The following ZNF330 variants were observed in gnomAD, a reference collection of about 807,000 sequenced individuals.
ZNF330 encodes the protein nucleolar atypical zinc finger, also known as zinc finger protein 330.
Under a neutral mutation model 45.5 loss-of-function variants are expected in ZNF330, and 31 were observed. That is an observed-to-expected ratio of 0.68 (90% confidence interval 0.51 to 0.92). ZNF330 has a LOEUF of 0.92. Ranked by LOEUF, ZNF330 falls within the 40% of genes least tolerant of loss-of-function variation. ZNF330 has a pLI of 0.00. For synonymous variants in ZNF330, 138 were observed against 123.2 expected, an observed-to-expected ratio of 1.12 and a Z score of -0.79; for missense variants, 356 against 387.4, an observed-to-expected ratio of 0.92 and a Z score of 0.68.
intron 9 of ZNF330, 101 bp downstream of exon 9, chr4:141,232,743 T>A (rs1728989983): frequency 1.8e-6 from 1 of 553,702 alleles, no homozygotes; most frequent in African/African-American, 1.9e-5. Context: ...CCTCTTCTTA[T>A]TTGAAAAGAT....
At chr4:141,232,382 A>G (rs1486575808) in intron 8 of ZNF330, 143 bp from the exon 9 acceptor site, 2 of 440,898 alleles carry the variant, frequency 4.5e-6, no homozygotes, top group East Asian at 7.2e-5. Context: ...TGTTAAGAAA[A>G]TGAAATGAGA....
At chr4:141,226,440 T>C (rs57471187) in intron 4 of ZNF330, among the ~76,000 whole-genome samples, 4,980 of 152,210 alleles carry the variant, frequency 0.033, 267 homozygotes, top group African/African-American at 0.11. Context: ...AATCTGAAGA[T>C]TGATAAGTTT....
chr4:141,233,149 C>T (rs765365889), intron 9 of ZNF330, among the ~76,000 whole-genome samples: 3 of 151,988 alleles, frequency 2.0e-5, no homozygotes, highest in African/African-American at 2.4e-5. Flanking sequence ...TAATGCAGCT[C>T]GCAATTTTGT....
At position 141,233,718 on chromosome 4, in the gene ZNF330, G is replaced by A. The variant is rs148616011; in HGVS notation, c.692G>A (p.Arg231His). Residue 231 changes from arginine to histidine, a missense_variant, in exon 10 of 10, where the codon CGC becomes CAC. Transcript: ENST00000262990. ...TGTACTTGTCTGTCTTCTATAGCAC[G>A]CTCCCTGAAATTTGGCAGGCAGACT... is the stretch of plus-strand genomic sequence containing the variant. ...QETKDLSMST[R>H]SLKFGRQTGG... 49 of 1,612,634 alleles carry A rather than the reference G, an allele frequency of 3.0e-5. No individual in the cohort carries two copies. The highest frequency in any genetic ancestry group is 2.0e-4 in the South Asian group (18 of 90,938).
intron 6 of ZNF330, 22 bp from the exon 7 acceptor site, chr4:141,230,144 T>A: frequency 6.7e-7 from 1 of 1,493,426 alleles, no homozygotes; most frequent in Non-Finnish European, 9.3e-7. Context: ...TTAATTACAT[T>A]TGTGTTTTTT....
Position 141,230,283 on chromosome 4 carries a change from G to C in ZNF330, c.523+13G>C. Reference sequence around the variant, plus strand: ...GAAACATTTAAATGTAAGTTTTTAAGTATTAGATGTTCTTTATACCCAAGA... The same window carrying C: ...GAAACATTTAAATGTAAGTTTTTAACTATTAGATGTTCTTTATACCCAAGA... On this transcript the variant is annotated intron_variant, in intron 7 of 9. Transcript: ENST00000262990. 1.3e-6 allele frequency: 2 copies of C among 1,523,228 alleles called. No homozygotes were observed. The highest frequency in any genetic ancestry group is 9.1e-7 in the Non-Finnish European group (1 of 1,103,874). The allele number at this position is 1,523,228 out of a possible 1,614,324, so 94.4% of individuals were successfully genotyped here. A position where few individuals can be genotyped will look rare whatever the true frequency, so the allele number is the denominator to read the frequency against.
In ZNF330 at chr4:141,231,479, T is replaced by C; in HGVS notation, c.564T>C (p.Arg188=). Reference sequence around the variant, plus strand: ...GGCTTGGTCAGCACTCATGTCTCCGTTGTAAGGTATACCAATGCGTTTTTT... The same window carrying C: ...GGCTTGGTCAGCACTCATGTCTCCGCTGTAAGGTATACCAATGCGTTTTTT... ...CNRLGQHSCL[R]CKACFCDDHT... The change falls in exon 8 of 10, where the codon CGT becomes CGC. Residue 188 remains arginine, a synonymous_variant. Coordinates refer to ENST00000262990, the MANE Select transcript of ZNF330 (RefSeq NM_014487.6). The C allele has an allele frequency of 6.2e-7, 1 of 1,601,946 alleles. No homozygotes were observed. The highest frequency in any genetic ancestry group is 8.5e-7 in the Non-Finnish European group (1 of 1,174,788).
Position 141,230,216 on chromosome 4 carries a change from G to T in ZNF330, c.469G>T (p.Asp157Tyr). 6.2e-7 allele frequency: 1 copy of T among 1,611,692 alleles called. No individual in the cohort carries two copies. The highest frequency in any genetic ancestry group is 1.1e-5 in the South Asian group (1 of 90,682). The change falls in exon 7 of 10, where the codon GAT becomes TAT. Residue 157 changes from aspartate to tyrosine, a missense_variant. Asp to Tyr is a radical substitution (Grantham distance 160). Transcript: ENST00000262990. ...SFCHNFLCED[D>Y]QFEHQASCQV... ...TTGCCATAACTTTCTCTGTGAAGAT[G>T]ATCAATTTGAGCATCAAGCCAGCTG...
Position 141,224,647 on chromosome 4 carries a change from G to C in ZNF330, c.181G>C (p.Val61Leu). ...NRAFCYFCNS[V>L]QKLPICAQCG... ...AGCATTTTGCTACTTTTGTAATTCT[G>C]TACAGAAGTTACCAATTTGTGCACA... The change falls in exon 4 of 10, where the codon GTA becomes CTA. Residue 61 changes from valine to leucine, a missense_variant. Val to Leu is a conservative substitution (Grantham distance 32). Coordinates refer to ENST00000262990, the MANE Select transcript of ZNF330 (RefSeq NM_014487.6). 2 of 1,613,496 alleles carry C rather than the reference G, an allele frequency of 1.2e-6. No homozygotes were observed. Among genetic ancestry groups the C allele is most frequent in the Non-Finnish European group, 1.7e-6 (2 of 1,179,618 alleles).
chr4:141,223,871 GA>G, intron 2 of ZNF330: 1 of 448,474 alleles, frequency 2.2e-6, no homozygotes. Flanking sequence ...ACTTTTCAGG[GA>G]AAAGTGTTCG....
rs41280519 is a variant in ZNF330 at position 141,231,173 on chromosome 4, A to G, written c.524-266A>G. Among the ~76,000 whole-genome samples the G allele has an allele frequency of 9.5e-3, 1,454 of 152,256 alleles. 15 individuals carry two copies. The highest frequency in any genetic ancestry group is 0.016 in the Non-Finnish European group (1,065 of 67,992). On this transcript the variant is annotated intron_variant, in intron 7 of 9. Transcript: ENST00000262990. ...TGTATATAATTCTTGCAATATTTATATATAAAATTCTCAGATTAAAAGAGC... is the reference window on the plus strand; with the variant it reads ...TGTATATAATTCTTGCAATATTTATGTATAAAATTCTCAGATTAAAAGAGC...
intron 7 of ZNF330, among the ~76,000 whole-genome samples, chr4:141,230,679 CAGG>C (rs1205368762): frequency 6.6e-6 from 1 of 152,092 alleles, no homozygotes; most frequent in Non-Finnish European, 1.5e-5. Context: ...GATTCTTAGA[CAGG>C]ACTGTATATC....
chr4:141,221,457 G>A (rs1728675524), intron 1 of ZNF330, among the ~76,000 whole-genome samples: 1 of 152,202 alleles, frequency 6.6e-6, no homozygotes, highest in Admixed American at 6.5e-5. Context: ...AAGTTAATCC[G>A]CATGATCACC....
At chr4:141,231,605 A>T (rs1728960711) in intron 8 of ZNF330, 120 bp downstream of exon 8, 1 of 650,238 alleles carries the variant, frequency 1.5e-6, no homozygotes, top group Non-Finnish European at 2.5e-6. Context: ...TATGTAGTCT[A>T]ATTCTTTTAT....
chr4:141,228,414 T>C (rs540106612), intron 5 of ZNF330, among the ~76,000 whole-genome samples: 1 of 152,228 alleles, frequency 6.6e-6, no homozygotes, highest in African/African-American at 2.4e-5. Context: ...CCCCTGAGAA[T>C]AGCAGGAGAA....
chr4:141,234,247 T>A lies in ZNF330; in HGVS notation c.*258T>A. 2 of 457,970 alleles carry A rather than the reference T, an allele frequency of 4.4e-6. No individual in the cohort carries two copies. The highest frequency in any genetic ancestry group is 6.7e-6 in the Non-Finnish European group (2 of 296,880). The allele number at this position is 457,970 out of a possible 1,614,324, so 28.4% of individuals were successfully genotyped here. A position where few individuals can be genotyped will look rare whatever the true frequency, so the allele number is the denominator to read the frequency against. On this transcript the variant is annotated 3_prime_UTR_variant, in exon 10 of 10. Coordinates refer to ENST00000262990, the MANE Select transcript of ZNF330 (RefSeq NM_014487.6). ...GTATCATGGATTGGATTGTTACTGATTTCAGTAAAGTATGTTTTGCCAATT... is the reference window on the plus strand; with the variant it reads ...GTATCATGGATTGGATTGTTACTGAATTCAGTAAAGTATGTTTTGCCAATT...
intron 4 of ZNF330, among the ~76,000 whole-genome samples, chr4:141,225,464 T>C (rs3775595): frequency 0.21 from 32,080 of 150,212 alleles, 3,628 homozygotes; most frequent in South Asian, 0.32. Context: ...AGAAACCCAA[T>C]TAACTTTATT....
chr4:141,223,452 T>C (rs577927942), intron 2 of ZNF330, among the ~76,000 whole-genome samples: 1 of 152,364 alleles, frequency 6.6e-6, no homozygotes, highest in South Asian at 2.1e-4. Context: ...AGTTCCATTT[T>C]TTCATATTGT....
In ZNF330 at chr4:141,229,684, C is replaced by G. The variant is rs1461870325; in HGVS notation, c.405C>G (p.Gly135=). Residue 135 remains glycine (G), a synonymous_variant, in exon 6 of 10, where the codon GGC becomes GGG. Coordinates refer to ENST00000262990, the MANE Select transcript of ZNF330 (RefSeq NM_014487.6). Reference sequence around the variant, plus strand: ...CTGAGTGTGTTGAATGTGAACGAGGCGTGTGGGACCATGGTGAGTCATTAG... The same window carrying G: ...CTGAGTGTGTTGAATGTGAACGAGGGGTGTGGGACCATGGTGAGTCATTAG... ...TDAECVECER[G]VWDHGGRIFS... is the part of the protein sequence containing the mutation. The G allele has an allele frequency of 1.2e-6, 2 of 1,612,870 alleles. No individual in the cohort carries two copies. The highest frequency in any genetic ancestry group is 2.2e-5 in the South Asian group (2 of 91,046).
Sources: allele counts gnomAD v4.1 joint callset (sites outside exome capture counted in the v4.1 genomes callset), GRCh38; gene constraint gnomAD v4.1.1; transcripts MANE v1.5; gene names NCBI Gene and HGNC (gene_info 2026-07-23, HGNC 2026-07-21).